Variants in MALT1 observed in about 807,000 individuals in gnomAD.
MALT1 encodes the protein MALT1 paracaspase, also known as mucosa-associated lymphoid tissue lymphoma translocation protein 1.
In MALT1, 36 loss-of-function variants were observed where a neutral mutation model predicts 85.5. That is an observed-to-expected ratio of 0.42 (90% CI 0.32 to 0.56). MALT1 has a LOEUF of 0.56. MALT1 is among the 20% of genes least tolerant of loss of function. MALT1 has a pLI of 0.10. For missense variants in MALT1, 716 were observed against 981.6 expected (o/e 0.73, Z 3.62); for synonymous variants, 359 against 361.3 (o/e 0.99, Z 0.07).
At chr18:58,723,903 T>C (rs771622272) in intron 10 of MALT1, among the ~76,000 whole-genome samples, 16 of 152,226 alleles carry the variant, frequency 1.1e-4, no homozygotes, top group African/African-American at 1.9e-4. Context: ...CAGAATGTGC[T>C]GTCACTAGCT....
chr18:58,751,587 A>G lies in MALT1; in HGVS notation c.*3745A>G, dbSNP rs892203915. On this transcript the variant is annotated 3_prime_UTR_variant, in exon 17 of 17. Coordinates refer to ENST00000649217, the MANE Select transcript of MALT1 (RefSeq NM_006785.4). ...ACAGTTTTGGTCTTCTTTTTTATCAACCATGCTTTTATTTTACTTGAATCT... is the reference window on the plus strand; with the variant it reads ...ACAGTTTTGGTCTTCTTTTTTATCAGCCATGCTTTTATTTTACTTGAATCT... 1 of 152,190 alleles carries G rather than the reference A, an allele frequency of 6.6e-6. No individual in the cohort carries two copies. The highest frequency in any genetic ancestry group is 1.5e-5 in the Non-Finnish European group (1 of 68,036). The allele number at this position is 152,190 out of a possible 1,614,324, so 9.4% of individuals were successfully genotyped here. A position where few individuals can be genotyped will look rare whatever the true frequency, so the allele number is the denominator to read the frequency against.
chr18:58,730,822 A>T (rs147067310), intron 10 of MALT1, among the ~76,000 whole-genome samples: 5 of 152,358 alleles, frequency 3.3e-5, no homozygotes, highest in African/African-American at 9.6e-5. Context: ...TATTGTAGCC[A>T]TCCTGGTGAG....
In MALT1 at chr18:58,671,552, G is replaced by A. The variant is rs1455988005; in HGVS notation, c.-92G>A. 12 of 848,214 alleles carry A rather than the reference G, an allele frequency of 1.4e-5. No individual in the cohort carries two copies. The highest frequency in any genetic ancestry group is 1.5e-5 in the Non-Finnish European group (10 of 645,716). The allele number at this position is 848,214 out of a possible 1,614,324, so 52.5% of individuals were successfully genotyped here. A position where few individuals can be genotyped will look rare whatever the true frequency, so the allele number is the denominator to read the frequency against. On this transcript the variant is annotated 5_prime_UTR_variant, in exon 1 of 17. Coordinates refer to ENST00000649217, the MANE Select transcript of MALT1 (RefSeq NM_006785.4). ...GATTTGTTCTTCCGCCCCTGCCTCCGCGGCTCGGAGGCGAGCGGAAGGTGC... is the reference window on the plus strand; with the variant it reads ...GATTTGTTCTTCCGCCCCTGCCTCCACGGCTCGGAGGCGAGCGGAAGGTGC...
At chr18:58,744,861 TG>T (rs2055346181) in intron 15 of MALT1, among the ~76,000 whole-genome samples, 1 of 152,232 alleles carries the variant, frequency 6.6e-6, no homozygotes, top group African/African-American at 2.4e-5. Flanking sequence ...TATGGTCATA[TG>T]CTGGAATAAT....
intron 1 of MALT1, among the ~76,000 whole-genome samples, chr18:58,677,285 G>C (rs1602270506): frequency 1.3e-5 from 2 of 152,004 alleles, no homozygotes; most frequent in African/African-American, 4.8e-5. Context: ...GTTCTTTTGG[G>C]GGGGAAGGAA....
chr18:58,742,205 T>C (rs535781630), intron 14 of MALT1, among the ~76,000 whole-genome samples, 191 bp downstream of exon 14: 1 of 152,356 alleles, frequency 6.6e-6, no homozygotes, highest in Admixed American at 6.5e-5. Context: ...AATATCAAAT[T>C]ATTTAGCCCA....
At position 58,714,881 on chromosome 18, in the gene MALT1, C is replaced by A. The variant is rs1034215564; in HGVS notation, c.985+772C>A. Among the ~76,000 whole-genome samples the A allele has an allele frequency of 8.5e-5, 13 of 152,096 alleles. 1 individual carries two copies. Among genetic ancestry groups the A allele is most frequent in the Admixed American group, 2.6e-4 (4 of 15,278 alleles). On this transcript the variant is annotated intron_variant, in intron 8 of 16. Transcript: ENST00000649217. Reference sequence around the variant, plus strand: ...TTAATATTTGTAGAAAACCCTATTACTTCTCCACTTATTTCTCATTATTTT... The same window carrying A: ...TTAATATTTGTAGAAAACCCTATTAATTCTCCACTTATTTCTCATTATTTT...
chr18:58,702,055 C>G (rs561443161), intron 4 of MALT1, among the ~76,000 whole-genome samples: 1 of 152,114 alleles, frequency 6.6e-6, no homozygotes, highest in South Asian at 2.1e-4. Context: ...ATATCTAGAA[C>G]ACTTCCTTAT....
At chr18:58,693,833 T>C (rs980955078) in intron 2 of MALT1, among the ~76,000 whole-genome samples, 1 of 152,202 alleles carries the variant, frequency 6.6e-6, no homozygotes, top group African/African-American at 2.4e-5. Context: ...GACATTCAAA[T>C]TTAAAGCCAG....
chr18:58,728,728 G>C (rs62093464), intron 10 of MALT1, among the ~76,000 whole-genome samples: 1 of 152,084 alleles, frequency 6.6e-6, no homozygotes. Context: ...TACACTTTTC[G>C]TAAGACATTT....
intron 2 of MALT1, 27 bp from the exon 3 acceptor site, chr18:58,696,337 ATT>A (rs574285957): frequency 0.052 from 50,981 of 971,986 alleles, 277 homozygotes; most frequent in East Asian, 0.15. Context: ...TGTGACTTTA[ATT>A]TTTTTTTTTT....
rs959365245 is a variant in MALT1 at position 58,749,341 on chromosome 18, A to G, written c.*1499A>G. On this transcript the variant is annotated 3_prime_UTR_variant, in exon 17 of 17. Transcript: ENST00000649217. ...TTTACAGAAGTGAAAGTGAGGTATC[A>G]GAAGTGTTAAGTGACATGCCTGAGG... The G allele has an allele frequency of 1.3e-4, 28 of 216,948 alleles. No homozygotes were observed. The highest frequency in any genetic ancestry group is 9.3e-5 in the Non-Finnish European group (10 of 107,892). The allele number at this position is 216,948 out of a possible 1,614,324, so 13.4% of individuals were successfully genotyped here.
chr18:58,717,141 T>A lies in MALT1; in HGVS notation c.1018+1174T>A, dbSNP rs558657838. 5.3e-5 allele frequency among the ~76,000 whole-genome samples: 8 copies of A among 152,236 alleles called. No homozygotes were observed. The South Asian group carries it at 1.7e-3, about 32-fold the overall frequency. On this transcript the variant is annotated intron_variant, in intron 9 of 16. Coordinates refer to ENST00000649217, the MANE Select transcript of MALT1 (RefSeq NM_006785.4). ...CTTTGTGAGGCCGAGGCAGGCAGGA[T>A]CACCTGGGGTCAGAAGATTGAGATC...
chr18:58,676,132 TCTC>T (rs1260887272), intron 1 of MALT1, among the ~76,000 whole-genome samples: 2 of 152,238 alleles, frequency 1.3e-5, no homozygotes, highest in African/African-American at 4.8e-5. Flanking sequence ...CCACTTAACT[TCTC>T]CCTGTTTTGC....
At position 58,696,355 on chromosome 18, in the gene MALT1, T is replaced by C; in HGVS notation, c.377-11T>C. 1 of 1,347,720 alleles carries C rather than the reference T, an allele frequency of 7.4e-7. No homozygotes were observed. Among genetic ancestry groups the C allele is most frequent in the Non-Finnish European group, 9.6e-7 (1 of 1,045,230 alleles). 83.5% of individuals were successfully genotyped at this position (1,347,720 alleles called of 1,614,324 possible). A position where few individuals can be genotyped will look rare whatever the true frequency, so the allele number is the denominator to read the frequency against. The stretch of plus-strand genomic sequence containing the variant: ...GACTTTAATTTTTTTTTTTTTTTTT[T>C]TTTTTTTTAGGAATAAAGATTACTG... On this transcript the variant is annotated splice_polypyrimidine_tract_variant and intron_variant, in intron 2 of 16. Transcript: ENST00000649217.
chr18:58,723,018 T>A (rs777556418), intron 9 of MALT1, 30 bp from the exon 10 acceptor site: 10 of 1,549,254 alleles, frequency 6.5e-6, no homozygotes, highest in Non-Finnish European at 7.1e-6. Context: ...TATATCTTCT[T>A]TAAACACCCC....
chr18:58,695,185 A>G (rs995199640), intron 2 of MALT1, among the ~76,000 whole-genome samples: 2 of 152,224 alleles, frequency 1.3e-5, no homozygotes, highest in East Asian at 1.9e-4. Context: ...CTGTAAGTCT[A>G]TTAAACCTCT....
chr18:58,730,353 C>A (rs1402826921), intron 10 of MALT1, among the ~76,000 whole-genome samples: 2 of 152,204 alleles, frequency 1.3e-5, no homozygotes, highest in Non-Finnish European at 2.9e-5. Context: ...AATCTATTTT[C>A]TGTTTCTGTG....
rs1173049969 is a variant in MALT1, at chr18:58,754,390, T to TTGC, written c.*6550_*6552dup. 3.3e-5 allele frequency: 5 copies of TTGC among 152,256 alleles called. No individual in the cohort carries two copies. Among genetic ancestry groups the TTGC allele is most frequent in the African/African-American group, 1.2e-4 (5 of 41,476 alleles). 9.4% of individuals were successfully genotyped at this position (152,256 alleles called of 1,614,324 possible). On this transcript the variant is annotated 3_prime_UTR_variant, in exon 17 of 17. Transcript: ENST00000649217. The stretch of plus-strand genomic sequence containing the variant: ...CAAAGGATTTGACCTGAAGTTAATG[T>TTGC]TGCTACATTATGCTCAATACAGCAG...
Sources: gnomAD v4.1 joint callset for allele counts (sites outside exome capture counted in the v4.1 genomes callset) on GRCh38, gnomAD v4.1.1 for gene constraint, MANE v1.5 for transcripts, NCBI Gene and HGNC (gene_info 2026-07-23, HGNC 2026-07-21) for gene names.